PCDHGB1: variants seen among roughly 807,000 people sequenced by gnomAD.
PCDHGB1 encodes the protein protocadherin gamma subfamily B, 1.
PCDHGB1 carries 34 observed loss-of-function variants against 56.6 expected under a neutral mutation model. The ratio of observed to expected loss-of-function variants is 0.60; its 90% CI spans 0.46 to 0.80. The LOEUF (loss-of-function observed/expected upper bound fraction) is 0.80, where lower values mean the gene tolerates loss of function less well. Ranked by LOEUF, PCDHGB1 falls within the 30% of genes least tolerant of loss-of-function variation. The pLI, the probability that PCDHGB1 is intolerant of heterozygous loss-of-function variation, is 0.00. For synonymous variants in PCDHGB1, 561 were observed against 505.9 expected (o/e 1.11, Z -1.46); for missense variants, 1,278 against 1,204.6 (o/e 1.06, Z -0.90).
chr5:141,398,789 C>G (rs1400897772), intron 1 of PCDHGB1: 5 of 1,613,778 alleles, frequency 3.1e-6, no homozygotes, highest in Non-Finnish European at 4.2e-6. Context: ...GGACATCCAC[C>G]CCTAAGCGGC....
In PCDHGB1 at chr5:141,350,919, GC is replaced by G. The variant is rs764101793; in HGVS notation, c.660del (p.Ser220ArgfsTer42). ...ATGGATGGCGGGGACCCGCCTCTAAGCGGCACCACCCATATCTGGATCCGAG... is the reference window on the plus strand; with the variant it reads ...ATGGATGGCGGGGACCCGCCTCTAAGGGCACCACCCATATCTGGATCCGAG... ...TAMDGGDPPL[S>X]GTTHIWIRVT... On this transcript the variant is annotated frameshift_variant, in exon 1 of 4. Coordinates refer to ENST00000523390, the MANE Select transcript of PCDHGB1 (RefSeq NM_018922.3). LOFTEE classifies it high-confidence loss of function. The G allele has an allele frequency of 1.4e-5, 22 of 1,613,980 alleles. No individual in the cohort carries two copies. The highest frequency in any genetic ancestry group is 1.9e-5 in the Non-Finnish European group (22 of 1,179,918).
At chr5:141,386,122 A>G (rs980639132) in intron 1 of PCDHGB1, 1 of 152,152 alleles carries the variant, frequency 6.6e-6, no homozygotes, top group Non-Finnish European at 1.5e-5. Flanking sequence ...AAAGTGGGAG[A>G]TTGGGGATAC....
chr5:141,422,197 G>C, intron 1 of PCDHGB1: 1 of 1,562,284 alleles, frequency 6.4e-7, no homozygotes, highest in Non-Finnish European at 8.6e-7. Flanking sequence ...TCAAGGCCAA[G>C]ATGGTGGAGG....
chr5:141,476,613 G>T lies in PCDHGB1; in HGVS notation c.2410-18194G>T. On this transcript the variant is annotated intron_variant, in intron 1 of 3. Coordinates refer to ENST00000523390, the MANE Select transcript of PCDHGB1 (RefSeq NM_018922.3). The surrounding 1 kb of genome is among the most constrained non-coding windows in gnomAD (Gnocchi z 7.6). ...AGCGCGCACGATCCCGATGTGGGAA[G>T]CAACTCTTTACAAACCTATGAGCTG... 2 of 1,614,266 alleles carry T rather than the reference G, an allele frequency of 1.2e-6. No homozygotes were observed. The highest frequency in any genetic ancestry group is 2.7e-5 in the African/African-American group (2 of 75,078).
intron 1 of PCDHGB1, among the ~76,000 whole-genome samples, chr5:141,454,701 C>G (rs1182969868): frequency 6.6e-6 from 1 of 151,760 alleles, no homozygotes; most frequent in Non-Finnish European, 1.5e-5. Context: ...CCACCATGCT[C>G]CACCTGCTTA....
chr5:141,431,333 C>T lies in PCDHGB1; in HGVS notation c.2410-63474C>T. 1 of 1,614,058 alleles carries T rather than the reference C, an allele frequency of 6.2e-7. No individual in the cohort carries two copies. Among genetic ancestry groups the T allele is most frequent in the Non-Finnish European group, 8.5e-7 (1 of 1,180,030 alleles). On this transcript the variant is annotated intron_variant, in intron 1 of 3. Coordinates refer to ENST00000523390, the MANE Select transcript of PCDHGB1 (RefSeq NM_018922.3). The surrounding 1 kb of genome is among the most constrained non-coding windows in gnomAD (Gnocchi z 4.8). ...AAATGGAGCCGACGGTAGTAAGTAC[C>T]CCGAATTGGTGCTGAAACGCGCCCT...
Position 141,431,474 on chromosome 5 carries a change from G to C in PCDHGB1, c.2410-63333G>C. On this transcript the variant is annotated intron_variant, in intron 1 of 3. Coordinates refer to ENST00000523390, the MANE Select transcript of PCDHGB1 (RefSeq NM_018922.3). The surrounding 1 kb of genome is among the most constrained non-coding windows in gnomAD (Gnocchi z 4.8). The stretch of plus-strand genomic sequence containing the variant: ...GATGGTTCTGGATGCGAACGACAAC[G>C]CACCAGCGTTTGCTCAGCCCGAGTA... 6.2e-7 allele frequency: 1 copy of C among 1,613,842 alleles called. No individual in the cohort carries two copies. The highest frequency in any genetic ancestry group is 8.5e-7 in the Non-Finnish European group (1 of 1,179,958).
intron 1 of PCDHGB1, among the ~76,000 whole-genome samples, chr5:141,467,062 T>C (rs2099136058): frequency 6.6e-6 from 1 of 151,686 alleles, no homozygotes; most frequent in South Asian, 2.1e-4. Context: ...TTTCTTTTTT[T>C]TTTTTTTTTA....
At chr5:141,371,583 G>T (rs1767867513) in intron 1 of PCDHGB1, 3 of 1,613,828 alleles carry the variant, frequency 1.9e-6, no homozygotes, top group Non-Finnish European at 2.5e-6. Context: ...AATCGTTCAA[G>T]ATACCAAAAA....
At chr5:141,508,538 G>C (rs1383873129) in intron 3 of PCDHGB1, among the ~76,000 whole-genome samples, 1 of 152,120 alleles carries the variant, frequency 6.6e-6, no homozygotes, top group African/African-American at 2.4e-5. Flanking sequence ...CACCCCCCAC[G>C]AGGTGGGCGG....
chr5:141,485,549 G>T lies in PCDHGB1; in HGVS notation c.2410-9258G>T. 1 of 1,614,030 alleles carries T rather than the reference G, an allele frequency of 6.2e-7. No homozygotes were observed. Among genetic ancestry groups the T allele is most frequent in the Non-Finnish European group, 8.5e-7 (1 of 1,179,922 alleles). On this transcript the variant is annotated intron_variant, in intron 1 of 3. Coordinates refer to ENST00000523390, the MANE Select transcript of PCDHGB1 (RefSeq NM_018922.3). The surrounding 1 kb of genome is among the most constrained non-coding windows in gnomAD (Gnocchi z 5.7). Reference sequence around the variant, plus strand: ...CCGAGCAGAGGTAGAGATCGTAGATGTGAATGATCACGCCCCCCGTTTTCC... The same window carrying T: ...CCGAGCAGAGGTAGAGATCGTAGATTTGAATGATCACGCCCCCCGTTTTCC...
Position 141,382,863 on chromosome 5 carries a change from C to G in PCDHGB1, c.2409+30194C>G, listed in dbSNP as rs1214467888. 4 of 1,516,660 alleles carry G rather than the reference C, an allele frequency of 2.6e-6. No homozygotes were observed. The South Asian group carries it at 4.0e-5, about 15-fold the overall frequency. The allele number at this position is 1,516,660 out of a possible 1,614,324, so 94.0% of individuals were successfully genotyped here. On this transcript the variant is annotated intron_variant, in intron 1 of 3. Coordinates refer to ENST00000523390, the MANE Select transcript of PCDHGB1 (RefSeq NM_018922.3). ...ATACACCCGCATTCTGAAGCACTTC[C>G]CGAGATCGGCGCCTAAGCAAGAGAA... is the stretch of plus-strand genomic sequence containing the variant.
rs2091498902 is a variant in PCDHGB1 at position 141,388,801 on chromosome 5, A to G, written c.2409+36132A>G. The G allele has an allele frequency of 1.9e-6, 3 of 1,613,940 alleles. No homozygotes were observed. The East Asian group carries it at 6.7e-5, about 36-fold the overall frequency. On this transcript the variant is annotated intron_variant, in intron 1 of 3. Coordinates refer to ENST00000523390, the MANE Select transcript of PCDHGB1 (RefSeq NM_018922.3). Reference sequence around the variant, plus strand: ...GAAATTACTGTTTTAAATACATTAGATTTTGAAGAAGTCAAAGAATATTCC... The same window carrying G: ...GAAATTACTGTTTTAAATACATTAGGTTTTGAAGAAGTCAAAGAATATTCC...
At chr5:141,360,839 C>T (rs1337655560) in intron 1 of PCDHGB1, 3 of 1,613,822 alleles carry the variant, frequency 1.9e-6, no homozygotes, top group African/African-American at 1.3e-5. Flanking sequence ...GTCACGGATG[C>T]CAACGATAAC....
rs61612330 is a variant in PCDHGB1, at chr5:141,454,796, A to ATTTTTTTTTTTT, written c.2410-39993_2410-39982dup. Among the ~76,000 whole-genome samples, 573 of 77,460 alleles carry ATTTTTTTTTTTT rather than the reference A, an allele frequency of 7.4e-3. 68 individuals carry two copies. Among genetic ancestry groups the ATTTTTTTTTTTT allele is most frequent in the Non-Finnish European group, 9.0e-3 (384 of 42,814 alleles). The allele number at this position is 77,460 out of a possible 152,430, so 50.8% of individuals were successfully genotyped here. A position where few individuals can be genotyped will look rare whatever the true frequency, so the allele number is the denominator to read the frequency against. On this transcript the variant is annotated intron_variant, in intron 1 of 3. Coordinates refer to ENST00000523390, the MANE Select transcript of PCDHGB1 (RefSeq NM_018922.3). ...AAGGAAATAATCCTCCATGGTTCTA[A>ATTTTTTTTTTTT]TTTTTTTTTTTTTTTTTTTTTTTTT...
intron 1 of PCDHGB1, chr5:141,415,512 T>C (rs997659180): frequency 1.9e-6 from 3 of 1,614,234 alleles, no homozygotes; most frequent in Non-Finnish European, 2.5e-6. Context: ...AGCCCAATTA[T>C]GCGGACACGC....
At chr5:141,426,919 C>T (rs1220443930) in intron 1 of PCDHGB1, 1 of 456,620 alleles carries the variant, frequency 2.2e-6, no homozygotes, top group African/African-American at 2.0e-5. Flanking sequence ...GTCCTGGAAG[C>T]AATGGACATG....
chr5:141,456,236 T>G (rs1299029934), intron 1 of PCDHGB1, among the ~76,000 whole-genome samples: 1 of 152,120 alleles, frequency 6.6e-6, no homozygotes, highest in African/African-American at 2.4e-5. Flanking sequence ...TAACTGCTGT[T>G]AGGAGGCTTT....
chr5:141,431,554 C>G lies in PCDHGB1; in HGVS notation c.2410-63253C>G. 1 of 1,614,126 alleles carries G rather than the reference C, an allele frequency of 6.2e-7. No homozygotes were observed. The highest frequency in any genetic ancestry group is 1.7e-5 in the Admixed American group (1 of 60,032). ...TGGGCACGCAGCTGCTTGTAGTCAA[C>G]GCTACCGACCCTGACGAAGGAGTCA... is the stretch of plus-strand genomic sequence containing the variant. On this transcript the variant is annotated intron_variant, in intron 1 of 3. Coordinates refer to ENST00000523390, the MANE Select transcript of PCDHGB1 (RefSeq NM_018922.3). This position sits in a 1 kb window ranked among gnomAD's most constrained non-coding sequence, Gnocchi z 4.8.
Sources: allele counts gnomAD v4.1 joint callset (sites outside exome capture counted in the v4.1 genomes callset), GRCh38; gene constraint gnomAD v4.1.1; non-coding constraint Gnocchi (gnomAD v3.1); transcripts MANE v1.5; gene names NCBI Gene and HGNC (gene_info 2026-07-23, HGNC 2026-07-21).